Variants in PKHD1 observed in about 807,000 individuals in gnomAD.
PKHD1 encodes fibrocystin.
Under a neutral mutation model 412.0 loss-of-function variants are expected in PKHD1, and 291 were observed. The observed-to-expected ratio is 0.71, with a 90% CI of 0.64 to 0.78. PKHD1 has a LOEUF of 0.78. Among genes scored for constraint, PKHD1 ranks in the 30% least tolerant of loss-of-function variants. The pLI, the probability that PKHD1 is intolerant of heterozygous loss-of-function variation, is 0.00. For synonymous variants in PKHD1, 1,777 were observed against 1,821.5 expected (o/e 0.98, Z 0.62); for missense variants, 4,825 against 4,950.7 (o/e 0.97, Z 0.76).
chr6:51,643,650 G>A lies in PKHD1; in HGVS notation c.11398+4381C>T, dbSNP rs552298477. On this transcript the variant is annotated intron_variant, in intron 63 of 66. Coordinates refer to ENST00000371117, the MANE Select transcript of PKHD1 (RefSeq NM_138694.4). The stretch of plus-strand genomic sequence containing the variant: ...TTTGTGGACATGCTGAAAACATTTA[G>A]AGTCTCGTTTTGTTTTGTTTTTTGT... Among the ~76,000 whole-genome samples the A allele has an allele frequency of 8.5e-5, 13 of 152,274 alleles. No individual in the cohort carries two copies. In the South Asian group the frequency reaches 1.7e-3, roughly 19 times the overall value.
intron 40 of PKHD1, among the ~76,000 whole-genome samples, chr6:51,907,010 A>G (rs569158853): frequency 6.6e-6 from 1 of 152,246 alleles, no homozygotes; most frequent in South Asian, 2.1e-4. Flanking sequence ...ATGAATACAC[A>G]ATTACTGAGT....
chr6:51,682,975 A>AT (rs1776900803), intron 60 of PKHD1, among the ~76,000 whole-genome samples: 1 of 152,036 alleles, frequency 6.6e-6, no homozygotes, highest in African/African-American at 2.4e-5. Context: ...GGCAGGGGAA[A>AT]ATATATTGAA....
intron 50 of PKHD1, among the ~76,000 whole-genome samples, chr6:51,841,670 G>A (rs1318386429): frequency 6.6e-6 from 1 of 152,166 alleles, no homozygotes; most frequent in African/African-American, 2.4e-5. Flanking sequence ...GCTCAGCATG[G>A]GAATGGCTGC....
rs1406625912 is a variant in PKHD1, at chr6:51,748,369, C to T, written c.9247G>A (p.Val3083Met). The change falls in exon 58 of 67, where the codon GTG becomes ATG. Residue 3083 changes from valine (V) to methionine (M), a missense_variant. Val to Met is a conservative substitution (Grantham distance 21, BLOSUM62 1). Coordinates refer to ENST00000371117, the MANE Select transcript of PKHD1 (RefSeq NM_138694.4). Reference protein sequence around the residue: ...WSTIWVAGIKVNQVKDINLHG... With the variant: ...WSTIWVAGIKMNQVKDINLHG... ...AGGTTGATGTCCTTTACCTGGTTCA[C>T]TTTGATTCCCGCCACCCAAATGGTG... 2 of 1,613,980 alleles carry T rather than the reference C, an allele frequency of 1.2e-6. No individual in the cohort carries two copies. Among genetic ancestry groups the T allele is most frequent in the East Asian group, 2.2e-5 (1 of 44,890 alleles).
chr6:51,964,272 T>C (rs990129050), intron 35 of PKHD1, among the ~76,000 whole-genome samples: 1 of 152,084 alleles, frequency 6.6e-6, no homozygotes, highest in African/African-American at 2.4e-5. Context: ...AAGACCTATT[T>C]GTGAGTGTAT....
chr6:51,979,530 T>G (rs1794876889), intron 35 of PKHD1, among the ~76,000 whole-genome samples: 1 of 151,796 alleles, frequency 6.6e-6, no homozygotes, highest in Non-Finnish European at 1.5e-5. Flanking sequence ...TCATTCTCTC[T>G]CTGTCTTTCT....
intron 13 of PKHD1, among the ~76,000 whole-genome samples, chr6:52,063,571 A>G (rs1181951428): frequency 2.0e-5 from 3 of 152,258 alleles, no homozygotes; most frequent in South Asian, 2.1e-4. Context: ...GCATATTTTG[A>G]AAATATTACT....
At chr6:51,717,151 C>T (rs1226922959) in intron 60 of PKHD1, among the ~76,000 whole-genome samples, 1 of 152,240 alleles carries the variant, frequency 6.6e-6, no homozygotes, top group African/African-American at 2.4e-5. Flanking sequence ...ATGGCTCACG[C>T]CTGTAATCCC....
intron 36 of PKHD1, among the ~76,000 whole-genome samples, chr6:51,938,981 G>A (rs1406506550): frequency 2.0e-5 from 3 of 151,408 alleles, no homozygotes; most frequent in Non-Finnish European, 4.4e-5. Context: ...TTTTATCCAT[G>A]GACCCAAAAC....
At position 51,791,387 on chromosome 6, in the gene PKHD1, A is replaced by G. The variant is rs1793723438; in HGVS notation, c.8303-14T>C. 1 of 1,612,716 alleles carries G rather than the reference A, an allele frequency of 6.2e-7. No homozygotes were observed. Among genetic ancestry groups the G allele is most frequent in the Non-Finnish European group, 8.5e-7 (1 of 1,178,828 alleles). On this transcript the variant is annotated splice_polypyrimidine_tract_variant and intron_variant, in intron 52 of 66. Coordinates refer to ENST00000371117, the MANE Select transcript of PKHD1 (RefSeq NM_138694.4). The stretch of plus-strand genomic sequence containing the variant: ...GGACAGTTCTGTCTGTGGAAGAAAA[A>G]GAAATTGCTCAGATATGTCACAAAA...
intron 60 of PKHD1, among the ~76,000 whole-genome samples, chr6:51,671,349 A>G (rs1257690806): frequency 6.6e-6 from 1 of 152,106 alleles, no homozygotes; most frequent in Non-Finnish European, 1.5e-5. Context: ...TCAGCTCCTG[A>G]GGGTTCCGCA....
intron 35 of PKHD1, among the ~76,000 whole-genome samples, chr6:52,003,079 T>C (rs1273800990): frequency 6.6e-6 from 1 of 152,098 alleles, no homozygotes; most frequent in Non-Finnish European, 1.5e-5. Flanking sequence ...GTAAAAGAGA[T>C]AAATTTCTTA....
chr6:51,754,655 G>A (rs957518360), intron 56 of PKHD1, 129 bp downstream of exon 56: 2 of 784,156 alleles, frequency 2.6e-6, no homozygotes, highest in African/African-American at 3.4e-5. Context: ...CGTAGCATGA[G>A]TCTAGGTCAA....
At chr6:51,910,505 C>T (rs929715895) in intron 39 of PKHD1, among the ~76,000 whole-genome samples, 8 of 152,054 alleles carry the variant, frequency 5.3e-5, no homozygotes, top group African/African-American at 1.9e-4. Flanking sequence ...TACCTTGTTC[C>T]ACACTCCAGC....
chr6:51,928,181 G>A (rs966280026), intron 37 of PKHD1, among the ~76,000 whole-genome samples: 29 of 152,290 alleles, frequency 1.9e-4, no homozygotes, highest in Non-Finnish European at 3.5e-4. Context: ...TCAAGTTGAA[G>A]CTTTGTGGGT....
At position 51,830,928 on chromosome 6, in the gene PKHD1, A is replaced by T; in HGVS notation, c.8235T>A (p.Val2745=). 1 of 1,612,422 alleles carries T rather than the reference A, an allele frequency of 6.2e-7. No individual in the cohort carries two copies. Among genetic ancestry groups the T allele is most frequent in the East Asian group, 2.2e-5 (1 of 44,840 alleles). Residue 2745 remains valine, a synonymous_variant, in exon 52 of 67, where the codon GTT becomes GTA. Coordinates refer to ENST00000371117, the MANE Select transcript of PKHD1 (RefSeq NM_138694.4). ...TGTTGTATCCTCCCCAGCCTTCTTC[A>T]ACACCTTGCCATGTTTCAGGGAGGG... is the stretch of plus-strand genomic sequence containing the variant. ...KWSLPETWQG[V]EEGWGGYNNT...
At chr6:52,080,139 C>A in intron 4 of PKHD1, 131 bp from the exon 5 acceptor site, 1 of 694,634 alleles carries the variant, frequency 1.4e-6, no homozygotes, top group Non-Finnish European at 2.6e-6. Flanking sequence ...CAGCAGTCAC[C>A]TTTCACCTCT....
intron 35 of PKHD1, among the ~76,000 whole-genome samples, chr6:52,009,858 G>T (rs531495338): frequency 1.2e-4 from 19 of 152,172 alleles, no homozygotes; most frequent in African/African-American, 4.6e-4. Context: ...AGAAGCTGAA[G>T]TTTCCACTCT....
chr6:51,936,904 C>T lies in PKHD1; in HGVS notation c.5909-2582G>A, dbSNP rs534385194. ...TTTACCCCAAAATATATTAAACGGC[C>T]CTGCAAAGCTGTCTCTTGTGGGGAA... On this transcript the variant is annotated intron_variant, in intron 36 of 66. Coordinates refer to ENST00000371117, the MANE Select transcript of PKHD1 (RefSeq NM_138694.4). Among the ~76,000 whole-genome samples, 29 of 152,298 alleles carry T rather than the reference C, an allele frequency of 1.9e-4. No individual in the cohort carries two copies. In the South Asian group the frequency reaches 6.0e-3, roughly 32 times the overall value.
Sources: gnomAD v4.1 joint callset for allele counts (sites outside exome capture counted in the v4.1 genomes callset) on GRCh38, gnomAD v4.1.1 for gene constraint, MANE v1.5 for transcripts, NCBI Gene and HGNC (gene_info 2026-07-23, HGNC 2026-07-21) for gene names.